The following SMARCA1 variants were observed in gnomAD, a reference collection of about 807,000 sequenced individuals.
SMARCA1 encodes the protein SWI/SNF-related matrix-associated actin-dependent regulator of chromatin subfamily A member 1.
Under a neutral mutation model 93.6 loss-of-function variants are expected in SMARCA1, and 17 were observed. The observed-to-expected ratio is 0.18, with a 90% CI of 0.12 to 0.27. The LOEUF (loss-of-function observed/expected upper bound fraction) is 0.27, where lower values mean the gene tolerates loss of function less well. SMARCA1 is among the 10% of genes least tolerant of loss of function. The pLI, the probability that SMARCA1 is intolerant of heterozygous loss-of-function variation, is 1.00. For missense variants in SMARCA1, 630 were observed against 819.0 expected, an observed-to-expected ratio of 0.77 and a Z score of 2.82; for synonymous variants, 271 against 271.4, an observed-to-expected ratio of 1.00 and a Z score of 0.01.
At chrX:129,456,495 T>C (rs193250166) in intron 23 of SMARCA1, among the ~76,000 whole-genome samples, 2 of 112,447 alleles carry the variant, frequency 1.8e-5, no homozygotes, top group East Asian at 5.6e-4. Context: ...CTGCCATAAA[T>C]AGTGATTACT....
chrX:129,456,269 G>GT (rs947077668), intron 23 of SMARCA1, among the ~76,000 whole-genome samples: 1 of 111,641 alleles, frequency 9.0e-6, no homozygotes, highest in African/African-American at 3.3e-5. Context: ...TTAAGCCCAT[G>GT]TTGAGACCCT....
rs199530249 is a variant in SMARCA1 at position 129,449,782 on chromosome X, A to AAC, written c.3031-1341_3031-1340dup. On this transcript the variant is annotated intron_variant, in intron 23 of 24. Coordinates refer to ENST00000371121, the MANE Select transcript of SMARCA1 (RefSeq NM_001282874.2). ...TTTACTGGCAATTAAGAACAACCCC[A>AAC]ACACACACACACACAAATGGTCAAA... is the stretch of plus-strand genomic sequence containing the variant. Among the ~76,000 whole-genome samples the AAC allele has an allele frequency of 2.7e-5, 3 of 109,898 alleles. No individual in the cohort carries two copies. In the East Asian group the frequency reaches 8.4e-4, roughly 31 times the overall value.
At chrX:129,489,693 G>C (rs1369183494) in intron 15 of SMARCA1, among the ~76,000 whole-genome samples, 1 of 111,683 alleles carries the variant, frequency 9.0e-6, no homozygotes, top group Non-Finnish European at 1.9e-5. Context: ...GAGTAGCTGG[G>C]ACTACTGGTG....
intron 5 of SMARCA1, among the ~76,000 whole-genome samples, chrX:129,512,797 C>A (rs3118101): frequency 0.26 from 28,991 of 110,700 alleles, 4,176 homozygotes; most frequent in African/African-American, 0.55. Context: ...CTCCTTAACC[C>A]AGTAATTCTA....
intron 23 of SMARCA1, among the ~76,000 whole-genome samples, chrX:129,458,412 T>G (rs1244044462): frequency 8.9e-6 from 1 of 112,161 alleles, no homozygotes; most frequent in Admixed American, 9.5e-5. Flanking sequence ...TTTTTAATGG[T>G]TTATGATTCT....
chrX:129,496,969 T>G, intron 11 of SMARCA1, 98 bp from the exon 12 acceptor site: 1 of 707,011 alleles, frequency 1.4e-6, no homozygotes, highest in East Asian at 3.3e-5. Context: ...GTAGAGCACA[T>G]GAACACTCCA....
chrX:129,462,951 T>C (rs920880531), intron 23 of SMARCA1, among the ~76,000 whole-genome samples: 2 of 111,187 alleles, frequency 1.8e-5, no homozygotes, highest in East Asian at 5.6e-4. Flanking sequence ...GATTTTTTTC[T>C]TAGAAAATAA....
chrX:129,456,953 A>G (rs189118297), intron 23 of SMARCA1, among the ~76,000 whole-genome samples: 24 of 112,497 alleles, frequency 2.1e-4, no homozygotes, highest in African/African-American at 6.8e-4. Context: ...ACTGACTCCA[A>G]TTTTGAAAGA....
At chrX:129,477,421 C>CA (rs1209840991) in intron 19 of SMARCA1, among the ~76,000 whole-genome samples, 1 of 110,770 alleles carries the variant, frequency 9.0e-6, no homozygotes, top group Non-Finnish European at 1.9e-5. Flanking sequence ...GGCGTAGTGG[C>CA]ATGCACCTGT....
In SMARCA1 at chrX:129,481,739, G is replaced by A; in HGVS notation, c.2218-554C>T. Among the ~76,000 whole-genome samples the A allele has an allele frequency of 1.8e-5, 2 of 111,857 alleles. 1 individual carries two copies. Among genetic ancestry groups the A allele is most frequent in the Middle Eastern group, 9.1e-3 (2 of 219 alleles). ...ACACTTTTACACTGTTGGTGGGACT[G>A]TAACTAGTTCAACCCTTGTGGAAGT... is the stretch of plus-strand genomic sequence containing the variant. On this transcript the variant is annotated intron_variant, in intron 17 of 24. Transcript: ENST00000371121.
intron 5 of SMARCA1, among the ~76,000 whole-genome samples, chrX:129,515,241 T>C (rs1197252665): frequency 9.1e-6 from 1 of 109,939 alleles, no homozygotes; most frequent in African/African-American, 3.3e-5. Flanking sequence ...GAAACAATTC[T>C]AGCTGGGTGC....
chrX:129,474,502 C>A (rs989363982), intron 19 of SMARCA1, among the ~76,000 whole-genome samples: 1 of 111,563 alleles, frequency 9.0e-6, no homozygotes, highest in Non-Finnish European at 1.9e-5. Flanking sequence ...ATACTAAAAA[C>A]TTCCCCTTTC....
chrX:129,490,333 G>A (rs1381148377), intron 14 of SMARCA1, 141 bp from the exon 15 acceptor site: 4 of 367,870 alleles, frequency 1.1e-5, no homozygotes, highest in Non-Finnish European at 1.9e-5. Flanking sequence ...TGAATATTGA[G>A]AATATCTAAA....
intron 19 of SMARCA1, among the ~76,000 whole-genome samples, chrX:129,474,487 T>A (rs1228440512): frequency 9.0e-6 from 1 of 111,419 alleles, no homozygotes; most frequent in Non-Finnish European, 1.9e-5. Context: ...CATGCAGACA[T>A]CCCCATACTA....
At chrX:129,502,227 G>A (rs3118098) in intron 9 of SMARCA1, among the ~76,000 whole-genome samples, 7,413 of 111,215 alleles carry the variant, frequency 0.067, 293 homozygotes, top group African/African-American at 0.15. Context: ...TTTAGGAGGC[G>A]TCAGTATATA....
At chrX:129,506,865 C>T (rs753632982) in intron 7 of SMARCA1, among the ~76,000 whole-genome samples, 3 of 110,160 alleles carry the variant, frequency 2.7e-5, no homozygotes, top group Non-Finnish European at 5.7e-5. Context: ...CATCTCCCCA[C>T]CAACCACATT....
chrX:129,480,974 G>C (rs1933629077), intron 18 of SMARCA1, 101 bp downstream of exon 18: 2 of 577,150 alleles, frequency 3.5e-6, no homozygotes, highest in Non-Finnish European at 5.5e-6. Flanking sequence ...TTATATTTTA[G>C]AGACTATGAT....
chrX:129,467,111 A>G (rs1423883655), intron 21 of SMARCA1, among the ~76,000 whole-genome samples: 2 of 112,086 alleles, frequency 1.8e-5, no homozygotes, highest in Non-Finnish European at 1.9e-5. Flanking sequence ...AAATATTTAA[A>G]CACTTGCTAT....
intron 19 of SMARCA1, among the ~76,000 whole-genome samples, chrX:129,479,209 A>G (rs1933530913): frequency 8.9e-6 from 1 of 112,116 alleles, no homozygotes; most frequent in Admixed American, 9.5e-5. Context: ...ACAGTTAATG[A>G]ACGTAACAGA....
Sources: gnomAD v4.1 joint callset for allele counts (sites outside exome capture counted in the v4.1 genomes callset) on GRCh38, gnomAD v4.1.1 for gene constraint, MANE v1.5 for transcripts, NCBI Gene and HGNC (gene_info 2026-07-23, HGNC 2026-07-21) for gene names.